ITGB2: variants seen among roughly 807,000 people sequenced by gnomAD.
The protein encoded by ITGB2 is integrin subunit beta 2.
ITGB2 carries 56 observed loss-of-function variants against 86.8 expected under a neutral mutation model. The ratio of observed to expected loss-of-function variants is 0.65; its 90% CI spans 0.52 to 0.81. The LOEUF (loss-of-function observed/expected upper bound fraction) is 0.81. Among genes scored for constraint, ITGB2 ranks in the 30% least tolerant of loss-of-function variants. The probability of loss-of-function intolerance (pLI) is 0.00; values close to 1 mark genes in which losing one functional copy is unlikely to be tolerated. For synonymous variants in ITGB2, 457 were observed against 450.4 expected (o/e 1.01, Z -0.19); for missense variants, 948 against 1,061.2 (o/e 0.89, Z 1.48).
At chr21:44,907,787 C>T (rs2084065843) in intron 3 of ITGB2, among the ~76,000 whole-genome samples, 1 of 152,290 alleles carries the variant, frequency 6.6e-6, no homozygotes, top group East Asian at 1.9e-4. Context: ...AGCCCGGCCC[C>T]CAGAGGCTGG....
In ITGB2 at chr21:44,889,736, C is replaced by T. The variant is rs529830426; in HGVS notation, c.1658-241G>A. 5.3e-5 allele frequency among the ~76,000 whole-genome samples: 8 copies of T among 152,318 alleles called. No homozygotes were observed. The South Asian group carries it at 6.2e-4, about 12-fold the overall frequency. On this transcript the variant is annotated intron_variant, in intron 12 of 15. Coordinates refer to ENST00000652462, the MANE Select transcript of ITGB2 (RefSeq NM_000211.5). Reference sequence around the variant, plus strand: ...AATGGGACCTCAATAGGGCTATGACCGTTCCTCCTGTGGGCCCTCCCCACA... The same window carrying T: ...AATGGGACCTCAATAGGGCTATGACTGTTCCTCCTGTGGGCCCTCCCCACA...
In ITGB2 at chr21:44,888,680, C is replaced by CT. The variant is rs1293104607; in HGVS notation, c.2080+12_2080+13insA. On this transcript the variant is annotated intron_variant, in intron 14 of 15. Coordinates refer to ENST00000652462, the MANE Select transcript of ITGB2 (RefSeq NM_000211.5). Reference sequence around the variant, plus strand: ...CTCTGGAGCCGGTCCCCGCTGCACCCCAGCGGCCTCACCTCGGCTCTCATC... The same window carrying CT: ...CTCTGGAGCCGGTCCCCGCTGCACCCTCAGCGGCCTCACCTCGGCTCTCATC... The CT allele has an allele frequency of 6.2e-7, 1 of 1,605,100 alleles. No homozygotes were observed. Among genetic ancestry groups the CT allele is most frequent in the Non-Finnish European group, 8.5e-7 (1 of 1,179,680 alleles).
chr21:44,912,746 C>T (rs1227742331), intron 1 of ITGB2, among the ~76,000 whole-genome samples: 1 of 152,114 alleles, frequency 6.6e-6, no homozygotes, highest in East Asian at 1.9e-4. Flanking sequence ...CCACCAGCCC[C>T]TCAGCTGATC....
Position 44,892,151 on chromosome 21 carries a change from C to T in ITGB2, c.1225-155G>A, listed in dbSNP as rs35723624. Reference sequence around the variant, plus strand: ...AGCAGGAAGAGCTGATGCTCAGATCCGAGAGCCAAAGTCAGCCGGCAAGGA... The same window carrying T: ...AGCAGGAAGAGCTGATGCTCAGATCTGAGAGCCAAAGTCAGCCGGCAAGGA... On this transcript the variant is annotated intron_variant, in intron 10 of 15. Coordinates refer to ENST00000652462, the MANE Select transcript of ITGB2 (RefSeq NM_000211.5). 1.7e-3 allele frequency among the ~76,000 whole-genome samples: 266 copies of T among 152,304 alleles called. 1 individual carries two copies. Among genetic ancestry groups the T allele is most frequent in the East Asian group, 0.017 (87 of 5,172 alleles).
rs752599780 is a variant in ITGB2, at chr21:44,889,933, T to C, written c.1657+45A>G. 31 of 1,610,472 alleles carry C rather than the reference T, an allele frequency of 1.9e-5. No homozygotes were observed. In the African/African-American group the frequency reaches 3.9e-4, roughly 20 times the overall value. ...AGAACGCACCCCCCAACACCAAGTC[T>C]GTGCCGCAGGACGGCCGTTGTCCAG... On this transcript the variant is annotated intron_variant, in intron 12 of 15. Transcript: ENST00000652462.
At chr21:44,913,148 C>T (rs1198045847) in intron 1 of ITGB2, among the ~76,000 whole-genome samples, 2 of 151,012 alleles carry the variant, frequency 1.3e-5, no homozygotes, top group African/African-American at 4.9e-5. Context: ...GGTGCAGGGT[C>T]CAGCCGGCTT....
Position 44,890,206 on chromosome 21 carries a change from T to G in ITGB2, c.1429A>C (p.Ile477Leu). Reference sequence around the variant, plus strand: ...GTCTGGCACTCACAGTTTTTCCCAATGTAGCCAGTGTCACACCTGGGGACA... The same window carrying G: ...GTCTGGCACTCACAGTTTTTCCCAAGGTAGCCAGTGTCACACCTGGGGACA... Reference protein sequence around the residue: ...CGICRCDTGYIGKNCECQTQG... With the variant: ...CGICRCDTGYLGKNCECQTQG... Residue 477 changes from isoleucine to leucine, a missense_variant, in exon 12 of 16, where the codon ATT (isoleucine) becomes CTT (leucine). Coordinates refer to ENST00000652462, the MANE Select transcript of ITGB2 (RefSeq NM_000211.5). The G allele has an allele frequency of 6.2e-7, 1 of 1,613,096 alleles. No individual in the cohort carries two copies. Among genetic ancestry groups the G allele is most frequent in the South Asian group, 1.1e-5 (1 of 91,068 alleles).
rs990368825 is a variant in ITGB2, at chr21:44,889,488, C to A, written c.1665G>T (p.Gly555=). 12 of 1,567,650 alleles carry A rather than the reference C, an allele frequency of 7.7e-6. No homozygotes were observed. Among genetic ancestry groups the A allele is most frequent in the South Asian group, 1.2e-5 (1 of 86,400 alleles). The change falls in exon 13 of 16, where the codon GGG becomes GGT. Residue 555 remains glycine, a synonymous_variant. Transcript: ENST00000652462. ...NGQVCGGPGR[G]LCFCGKCRCH... ...AGCGGCACTTCCCGCAGAAGCAGAG[C>A]CCCCTCCCTGGAAGACGGGGCAGCA...
intron 2 of ITGB2, 124 bp downstream of exon 2, chr21:44,910,601 C>T (rs769444856): frequency 7.2e-7 from 1 of 1,387,114 alleles, no homozygotes; most frequent in South Asian, 1.2e-5. Flanking sequence ...CCGACCTACC[C>T]CCAGTGGCAA....
chr21:44,928,751 C>A, exon 1 of ITGB2: 1 of 173,070 alleles, frequency 5.8e-6, no homozygotes, highest in East Asian at 1.9e-4. Context: ...CCGTTCAATT[C>A]ATGGTTTCTG....
At chr21:44,918,949 CCAG>C (rs1449123820) in intron 1 of ITGB2, among the ~76,000 whole-genome samples, 1 of 150,796 alleles carries the variant, frequency 6.6e-6, no homozygotes, top group Non-Finnish European at 1.5e-5. Flanking sequence ...GTCCCCTCTC[CCAG>C]CACTCGGAGC....
At chr21:44,905,136 G>A (rs1428859510) in intron 4 of ITGB2, among the ~76,000 whole-genome samples, 1 of 152,168 alleles carries the variant, frequency 6.6e-6, no homozygotes, top group Non-Finnish European at 1.5e-5. Flanking sequence ...GCTGACCAAG[G>A]GGCCCCGTCC....
rs371854500 is a variant in ITGB2, at chr21:44,907,030, C to G, written c.213G>C (p.Arg71Ser). ...CCATGATGTCGTCAGCCGCACAGCCCCTCATGAGCAGCTGTGGCCGGGTGT... is the reference window on the plus strand; with the variant it reads ...CCATGATGTCGTCAGCCGCACAGCCGCTCATGAGCAGCTGTGGCCGGGTGT... ...RCDTRPQLLMRGCAADDIMDP... is the reference protein window; with the variant it reads ...RCDTRPQLLMSGCAADDIMDP... The change falls in exon 4 of 16, where the codon AGG becomes AGC. Residue 71 changes from arginine to serine, a missense_variant. Arg to Ser is a moderately radical substitution (Grantham distance 110). Coordinates refer to ENST00000652462, the MANE Select transcript of ITGB2 (RefSeq NM_000211.5). The G allele has an allele frequency of 8.1e-6, 13 of 1,613,686 alleles. No homozygotes were observed. The highest frequency in any genetic ancestry group is 5.3e-5 in the African/African-American group (4 of 74,928).
chr21:44,910,215 G>T, intron 3 of ITGB2, 69 bp downstream of exon 3: 4 of 1,570,458 alleles, frequency 2.5e-6, no homozygotes, highest in Non-Finnish European at 3.5e-6. Context: ...GGTGCCACTG[G>T]CTTCAGGGGC....
chr21:44,915,586 G>A (rs1048441112), intron 1 of ITGB2, among the ~76,000 whole-genome samples: 6 of 152,208 alleles, frequency 3.9e-5, no homozygotes, highest in African/African-American at 1.4e-4. Flanking sequence ...AAGGCTCAAG[G>A]GATGATTATA....
At chr21:44,908,215 T>C (rs751224237) in intron 3 of ITGB2, 5 of 697,116 alleles carry the variant, frequency 7.2e-6, no homozygotes, top group Non-Finnish European at 1.1e-5. Context: ...ATGAGGAAGC[T>C]GCTGACGGTA....
At chr21:44,895,871 G>T (rs867651029) in intron 8 of ITGB2, among the ~76,000 whole-genome samples, 1 of 124,526 alleles carries the variant, frequency 8.0e-6, no homozygotes, top group Admixed American at 7.4e-5. Context: ...GAAATGAAAT[G>T]AAATAAAAAA....
In ITGB2 at chr21:44,890,213, AG is replaced by A. The variant is rs1278010284; in HGVS notation, c.1421del (p.Thr474MetfsTer55). 6.2e-7 allele frequency: 1 copy of A among 1,613,124 alleles called. No individual in the cohort carries two copies. The highest frequency in any genetic ancestry group is 8.5e-7 in the Non-Finnish European group (1 of 1,179,992). On this transcript the variant is annotated frameshift_variant, in exon 12 of 16. Coordinates refer to ENST00000652462, the MANE Select transcript of ITGB2 (RefSeq NM_000211.5). LOFTEE classifies it high-confidence loss of function. The stretch of plus-strand genomic sequence containing the variant: ...ACTCACAGTTTTTCCCAATGTAGCC[AG>A]TGTCACACCTGGGGACAGGAGGGGC... ...FLECGICRCD[T>X]GYIGKNCECQ...
intron 2 of ITGB2, 40 bp downstream of exon 2, chr21:44,910,685 T>G: frequency 6.2e-7 from 1 of 1,603,144 alleles, no homozygotes; most frequent in Non-Finnish European, 8.5e-7. Context: ...CTGATTGGAA[T>G]GTCACGCGTG....
Sources: gnomAD v4.1 joint callset for allele counts (sites outside exome capture counted in the v4.1 genomes callset) on GRCh38, gnomAD v4.1.1 for gene constraint, MANE v1.5 for transcripts, NCBI Gene and HGNC (gene_info 2026-07-23, HGNC 2026-07-21) for gene names.